AMD1: variants seen among roughly 807,000 people sequenced by gnomAD.
AMD1 encodes adenosylmethionine decarboxylase 1, also known as S-adenosylmethionine decarboxylase proenzyme.
Under a neutral mutation model 40.2 loss-of-function variants are expected in AMD1, and 11 were observed. The ratio of observed to expected loss-of-function variants is 0.27; its 90% CI spans 0.17 to 0.45. AMD1 has a LOEUF of 0.45. Among genes scored for constraint, AMD1 ranks in the 20% least tolerant of loss-of-function variants. The probability of loss-of-function intolerance (pLI) is 1.00; values close to 1 mark genes in which losing one functional copy is unlikely to be tolerated. For synonymous variants in AMD1, 121 were observed against 130.8 expected (o/e 0.93, Z 0.51); for missense variants, 257 against 410.2 (o/e 0.63, Z 3.23).
the AMD1 span, among the ~76,000 whole-genome samples, chr6:110,823,994 T>C: frequency 7.2e-4 from 109 of 152,302 alleles, no homozygotes; most frequent in African/African-American, 2.5e-3. Flanking sequence ...ACAACCTCTA[T>C]GGAAAACAGT....
the AMD1 span, among the ~76,000 whole-genome samples, chr6:110,852,690 G>A: frequency 6.6e-6 from 1 of 152,294 alleles, no homozygotes; most frequent in Non-Finnish European, 1.5e-5. Context: ...AAGAATTGCT[G>A]TCTTTGGTCT....
chr6:110,817,771 A>G, the AMD1 span, among the ~76,000 whole-genome samples: 1 of 152,236 alleles, frequency 6.6e-6, no homozygotes, highest in African/African-American at 2.4e-5. Flanking sequence ...ACTGTGGTTT[A>G]AAAGAGCACT....
upstream of AMD1, among the ~76,000 whole-genome samples, chr6:110,871,431 G>A (rs1164449010): frequency 6.6e-6 from 1 of 152,142 alleles, no homozygotes; most frequent in African/African-American, 2.4e-5. Context: ...TAGAAATGAA[G>A]ACAGAGAGAA....
chr6:110,869,054 G>A, the AMD1 span, among the ~76,000 whole-genome samples: 6 of 149,706 alleles, frequency 4.0e-5, no homozygotes, highest in East Asian at 9.8e-4. Context: ...AGCGAAACTC[G>A]TTCTCAAAAA....
At chr6:110,855,331 C>A in the AMD1 span, among the ~76,000 whole-genome samples, 14,430 of 152,004 alleles carry the variant, frequency 0.095, 1,323 homozygotes, top group African/African-American at 0.24. Flanking sequence ...AACCTGCAAC[C>A]AGGATTTAAT....
the AMD1 span, among the ~76,000 whole-genome samples, chr6:110,817,378 G>A: frequency 6.6e-6 from 1 of 152,312 alleles, no homozygotes; most frequent in East Asian, 1.9e-4. Flanking sequence ...GGGAGGCCAA[G>A]GCGGGTGGAT....
At chr6:110,891,633 GAAACC>G (rs1786020387) in intron 4 of AMD1, 1 of 159,560 alleles carries the variant, frequency 6.3e-6, no homozygotes, top group African/African-American at 2.4e-5. Context: ...CTACTAATAT[GAAACC>G]AAACCAGGCT....
At chr6:110,832,347 C>CA in the AMD1 span, among the ~76,000 whole-genome samples, 1 of 151,626 alleles carries the variant, frequency 6.6e-6, no homozygotes, top group Non-Finnish European at 1.5e-5. Flanking sequence ...GATGAAGTCT[C>CA]ACTATGTTTC....
At chr6:110,835,313 C>T in the AMD1 span, among the ~76,000 whole-genome samples, 134 of 152,094 alleles carry the variant, frequency 8.8e-4, no homozygotes, top group Non-Finnish European at 1.5e-3. Context: ...CCACCGCACC[C>T]GGCCTGTGGA....
chr6:110,847,955 C>A, the AMD1 span, among the ~76,000 whole-genome samples: 7 of 151,446 alleles, frequency 4.6e-5, no homozygotes, highest in Non-Finnish European at 5.9e-5. Flanking sequence ...ACCTTGTGAT[C>A]CGCCTGCCTC....
chr6:110,864,741 G>T, the AMD1 span, among the ~76,000 whole-genome samples: 2 of 152,198 alleles, frequency 1.3e-5, no homozygotes, highest in Non-Finnish European at 2.9e-5. Flanking sequence ...GAGTTTCTGT[G>T]ACTTCATTTT....
chr6:110,888,612 T>C, intron 2 of AMD1: 1 of 156,306 alleles, frequency 6.4e-6, no homozygotes, highest in Admixed American at 6.8e-5. Context: ...GGCCTCTCTC[T>C]TTTTTTTTTT....
At chr6:110,884,035 G>A (rs2115291902) in intron 1 of AMD1, among the ~76,000 whole-genome samples, 1 of 152,338 alleles carries the variant, frequency 6.6e-6, no homozygotes, top group South Asian at 2.1e-4. Flanking sequence ...CATTTTGCAT[G>A]GATCTGACCC....
the AMD1 span, chr6:110,858,467 C>A: frequency 8.3e-7 from 1 of 1,201,408 alleles, no homozygotes; most frequent in South Asian, 1.2e-5. Flanking sequence ...CAAGATCAAC[C>A]GTTCCATGCA....
At chr6:110,867,546 C>G in the AMD1 span, among the ~76,000 whole-genome samples, 1 of 152,124 alleles carries the variant, frequency 6.6e-6, no homozygotes, top group Non-Finnish European at 1.5e-5. Context: ...TGCCTGCAGT[C>G]CCAGCTACTC....
chr6:110,816,016 G>A, the AMD1 span: 2 of 152,212 alleles, frequency 1.3e-5, no homozygotes, highest in African/African-American at 4.8e-5. Context: ...ATTGGTGATT[G>A]GATGTGCTCG....
chr6:110,858,353 G>A, the AMD1 span: 6 of 813,644 alleles, frequency 7.4e-6, no homozygotes, highest in East Asian at 1.2e-4. Context: ...CAGCTGGATC[G>A]AGGGACTCAC....
In AMD1 at chr6:110,893,480, C is replaced by T; in HGVS notation, c.869C>T (p.Ser290Phe). Residue 290 changes from serine to phenylalanine, a missense_variant, in exon 9 of 9, where the codon TCT (serine) becomes TTT (phenylalanine). This residue lies in a region of AMD1 where 192 missense variants were observed against 296.5 expected (regional missense o/e 0.65). Coordinates refer to ENST00000368885, the MANE Select transcript of AMD1 (RefSeq NM_001634.6). ...TTATTTAATTTTTTCCCCCAGAGTT[C>T]TAAATGTCGCACAGTGCTTGCTTCG... ...FVTTLFVNQSSKCRTVLASPQ... is the reference protein window; with the variant it reads ...FVTTLFVNQSFKCRTVLASPQ... 1.2e-6 allele frequency: 2 copies of T among 1,613,656 alleles called. No homozygotes were observed. Among genetic ancestry groups the T allele is most frequent in the Non-Finnish European group, 1.7e-6 (2 of 1,179,760 alleles).
At chr6:110,888,734 C>T (rs967346738) in intron 2 of AMD1, 123 bp from the exon 3 acceptor site, 13 of 936,646 alleles carry the variant, frequency 1.4e-5, no homozygotes, top group Non-Finnish European at 1.9e-5. Context: ...GTGTTACTTG[C>T]TTCCTTGAGA....
Sources: allele counts gnomAD v4.1 joint callset (sites outside exome capture counted in the v4.1 genomes callset), GRCh38; gene constraint gnomAD v4.1.1; regional missense constraint gnomAD v4.1.1; transcripts MANE v1.5; gene names NCBI Gene and HGNC (gene_info 2026-07-23, HGNC 2026-07-21).